The following ANKRD44 variants were observed in gnomAD, a reference collection of about 807,000 sequenced individuals.
ANKRD44 encodes the protein serine/threonine-protein phosphatase 6 regulatory ankyrin repeat subunit B.
In ANKRD44, 35 loss-of-function variants were observed where a neutral mutation model predicts 116.0. The ratio of observed to expected loss-of-function variants is 0.30; its 90% CI spans 0.23 to 0.40. The LOEUF (loss-of-function observed/expected upper bound fraction) is 0.40, where lower values mean the gene tolerates loss of function less well. ANKRD44 is among the 10% of genes least tolerant of loss of function. ANKRD44 has a pLI of 1.00. For synonymous variants in ANKRD44, 435 were observed against 461.8 expected (o/e 0.94, Z 0.74); for missense variants, 1,014 against 1,242.6 (o/e 0.82, Z 2.77).
chr2:197,281,309 C>G lies in ANKRD44; in HGVS notation c.27+29269G>C, dbSNP rs894262510. 4.6e-5 allele frequency among the ~76,000 whole-genome samples: 7 copies of G among 152,142 alleles called. 1 individual carries two copies. The highest frequency in any genetic ancestry group is 1.5e-5 in the Non-Finnish European group (1 of 68,044). On this transcript the variant is annotated intron_variant, in intron 1 of 27. Transcript: ENST00000282272. ...TTCAATATTGTAAATTCCATTAAGGCATCCTGCTCCCCACCTCCTGATCCT... is the reference window on the plus strand; with the variant it reads ...TTCAATATTGTAAATTCCATTAAGGGATCCTGCTCCCCACCTCCTGATCCT...
At chr2:196,967,912 ACTCTCTCT>A (rs35734167) in intron 21 of ANKRD44, among the ~76,000 whole-genome samples, 5 of 140,862 alleles carry the variant, frequency 3.5e-5, no homozygotes, top group African/African-American at 1.1e-4. Flanking sequence ...ATGGCTTGGC[ACTCTCTCT>A]CTCTCTCTCT....
At chr2:197,024,460 G>C (rs573292581) in intron 17 of ANKRD44, among the ~76,000 whole-genome samples, 2 of 152,288 alleles carry the variant, frequency 1.3e-5, no homozygotes, top group South Asian at 4.1e-4. Flanking sequence ...GGTTCCTAGG[G>C]AGCAGCTGCT....
chr2:197,058,939 G>GA (rs1240085640), intron 16 of ANKRD44, among the ~76,000 whole-genome samples: 1 of 152,158 alleles, frequency 6.6e-6, no homozygotes, highest in East Asian at 1.9e-4. Context: ...ACATTATCAG[G>GA]AAAAACTATA....
intron 16 of ANKRD44, among the ~76,000 whole-genome samples, chr2:197,043,187 T>G (rs561853939): frequency 2.9e-4 from 44 of 152,332 alleles, no homozygotes; most frequent in South Asian, 2.5e-3. Flanking sequence ...AAAATTAAGT[T>G]TTTGTAGTAC....
At chr2:197,112,624 C>T (rs1304378046) in intron 8 of ANKRD44, among the ~76,000 whole-genome samples, 2 of 149,368 alleles carry the variant, frequency 1.3e-5, no homozygotes, top group African/African-American at 2.5e-5. Context: ...AGGAGAATGG[C>T]GTGAACCCGG....
rs535444126 is a variant in ANKRD44 at position 197,200,973 on chromosome 2, G to A, written c.28-13867C>T. Among the ~76,000 whole-genome samples the A allele has an allele frequency of 9.2e-5, 14 of 152,226 alleles. No individual in the cohort carries two copies. The South Asian group carries it at 2.9e-3, about 32-fold the overall frequency. On this transcript the variant is annotated intron_variant, in intron 1 of 27. Coordinates refer to ENST00000282272, the MANE Select transcript of ANKRD44 (RefSeq NM_001195144.2). ...GTTAAATATGATTTGAAAGTTTAGT[G>A]TATGTCCTGATATATAGTATGCCTT...
chr2:197,181,027 G>T (rs2080491336), intron 2 of ANKRD44, among the ~76,000 whole-genome samples: 1 of 151,964 alleles, frequency 6.6e-6, no homozygotes, highest in African/African-American at 2.4e-5. Flanking sequence ...CTGTAGTCAA[G>T]AATGGCAGCT....
rs181956951 is a variant in ANKRD44 at position 197,243,849 on chromosome 2, G to A, written c.28-56743C>T. ...CCACCTCCTAACATGATCACACTGG[G>A]GATTAAGTTTCAACATATGAATTTT... is the stretch of plus-strand genomic sequence containing the variant. On this transcript the variant is annotated intron_variant, in intron 1 of 27. Transcript: ENST00000282272. 2.7e-3 allele frequency among the ~76,000 whole-genome samples: 410 copies of A among 152,140 alleles called. 1 individual carries two copies. The highest frequency in any genetic ancestry group is 9.3e-3 in the African/African-American group (387 of 41,470).
intron 18 of ANKRD44, among the ~76,000 whole-genome samples, chr2:197,009,770 T>A (rs1009590756): frequency 2.0e-5 from 3 of 152,192 alleles, no homozygotes; most frequent in Admixed American, 6.5e-5. Flanking sequence ...AGAGTGCCTC[T>A]GTGTTAATCT....
downstream of ANKRD44, among the ~76,000 whole-genome samples, chr2:196,985,594 G>A (rs1421896790): frequency 2.0e-5 from 3 of 152,170 alleles, no homozygotes; most frequent in Non-Finnish European, 4.4e-5. Flanking sequence ...AGGCAGATGT[G>A]GTATCATCAG....
chr2:197,198,984 G>A (rs953102654), intron 1 of ANKRD44: 5 of 152,152 alleles, frequency 3.3e-5, no homozygotes, highest in Non-Finnish European at 7.3e-5. Context: ...CTGCAGCACT[G>A]GCTTTCTTTG....
At chr2:197,128,072 T>C (rs2079017446) in intron 4 of ANKRD44, among the ~76,000 whole-genome samples, 1 of 152,232 alleles carries the variant, frequency 6.6e-6, no homozygotes, top group African/African-American at 2.4e-5. Context: ...CTATCATTGA[T>C]GGACATGTGG....
intron 1 of ANKRD44, among the ~76,000 whole-genome samples, chr2:197,231,348 G>A (rs2081858226): frequency 6.6e-6 from 1 of 152,068 alleles, no homozygotes; most frequent in Non-Finnish European, 1.5e-5. Flanking sequence ...GAAGTTCATT[G>A]AGCCCAAGAA....
intron 1 of ANKRD44, among the ~76,000 whole-genome samples, chr2:197,225,715 C>T (rs1170151835): frequency 6.6e-6 from 1 of 152,194 alleles, no homozygotes; most frequent in African/African-American, 2.4e-5. Context: ...GAATAATTTA[C>T]TTTTAGAAGG....
At position 197,203,759 on chromosome 2, in the gene ANKRD44, CGTAGA is replaced by C. The variant is rs143143811; in HGVS notation, c.28-16658_28-16654del. 2.6e-3 allele frequency among the ~76,000 whole-genome samples: 400 copies of C among 152,136 alleles called. 1 individual carries two copies. Among genetic ancestry groups the C allele is most frequent in the African/African-American group, 8.8e-3 (366 of 41,476 alleles). Reference sequence around the variant, plus strand: ...ATGGATAAACCAAATGTGGTACAGCCGTAGAGTAAAATATTACTCAGCCATGAAAA... The same window carrying C: ...ATGGATAAACCAAATGTGGTACAGCCGTAAAATATTACTCAGCCATGAAAA... On this transcript the variant is annotated intron_variant, in intron 1 of 27. Transcript: ENST00000282272. This position sits in a 1 kb window ranked among gnomAD's most constrained non-coding sequence, Gnocchi z 4.1.
chr2:197,078,192 G>A (rs533795189), intron 16 of ANKRD44: 1 of 157,360 alleles, frequency 6.4e-6, no homozygotes, highest in East Asian at 1.8e-4. Flanking sequence ...TTTTCATAGA[G>A]AAAACCAATT....
chr2:197,252,451 G>C (rs1162823297), intron 1 of ANKRD44, among the ~76,000 whole-genome samples: 1 of 151,402 alleles, frequency 6.6e-6, no homozygotes, highest in African/African-American at 2.4e-5. Context: ...CTGTCGCCCA[G>C]GCTGGAGCGC....
chr2:197,259,382 T>C (rs950393956), intron 1 of ANKRD44, among the ~76,000 whole-genome samples: 2 of 152,108 alleles, frequency 1.3e-5, no homozygotes, highest in African/African-American at 2.4e-5. Flanking sequence ...TTTGTAAACC[T>C]AAGAAACAAA....
intron 2 of ANKRD44, among the ~76,000 whole-genome samples, chr2:197,183,480 T>C (rs1211159512): frequency 6.6e-6 from 1 of 152,218 alleles, no homozygotes; most frequent in Admixed American, 6.5e-5. Context: ...AATCCTTATG[T>C]GTCCTCCATC....
Sources: gnomAD v4.1 joint callset for allele counts (sites outside exome capture counted in the v4.1 genomes callset) on GRCh38, gnomAD v4.1.1 for gene constraint, Gnocchi (gnomAD v3.1) non-coding constraint, MANE v1.5 for transcripts, NCBI Gene and HGNC (gene_info 2026-07-23, HGNC 2026-07-21) for gene names.